Variants in AP3D1 observed in about 807,000 individuals in gnomAD.
AP3D1 encodes the protein adaptor related protein complex 3 subunit delta 1, also known as AP-3 complex subunit delta-1.
In AP3D1, 51 loss-of-function variants were observed where a neutral mutation model predicts 147.6. The ratio of observed to expected loss-of-function variants is 0.35; its 90% CI spans 0.28 to 0.44. The LOEUF is 0.44. Among genes scored for constraint, AP3D1 ranks in the 20% least tolerant of loss-of-function variants. The pLI is 1.00. For missense variants in AP3D1, 1,421 were observed against 1,624.2 expected (o/e 0.87, Z 2.15); for synonymous variants, 760 against 663.0 (o/e 1.15, Z -2.25).
At chr19:2,161,499 A>G (rs2019698540) in intron 1 of AP3D1, among the ~76,000 whole-genome samples, 1 of 152,034 alleles carries the variant, frequency 6.6e-6, no homozygotes. Context: ...TGCATTCCTT[A>G]GATAAAAGTT....
rs2018619989 is a variant in AP3D1 at position 2,121,803 on chromosome 19, G to A, written c.1032C>T (p.Leu344=). 6.2e-7 allele frequency: 1 copy of A among 1,613,414 alleles called. No individual in the cohort carries two copies. The highest frequency in any genetic ancestry group is 2.2e-5 in the East Asian group (1 of 44,838). The change falls in exon 12 of 32, where the codon CTC becomes CTT. Residue 344 remains leucine, a synonymous_variant. Transcript: ENST00000643116. ...HPKSVQSHKD[L]ILQCLDDKDE... ...CCTTGTCGTCCAGGCACTGCAGGAT[G>A]AGGTCCTTGTGGGACTGCACGGACT...
intron 4 of AP3D1, among the ~76,000 whole-genome samples, chr19:2,134,230 G>A (rs368232788): frequency 1.3e-5 from 2 of 152,088 alleles, no homozygotes; most frequent in African/African-American, 2.4e-5. Context: ...CCTAGGCAAC[G>A]CAGTGAAACC....
intron 23 of AP3D1, 166 bp downstream of exon 23, chr19:2,113,169 TG>T: frequency 1.6e-6 from 1 of 627,454 alleles, no homozygotes; most frequent in Non-Finnish European, 2.8e-6. Context: ...CTTGGCCCAC[TG>T]GGACCCGGGA....
intron 1 of AP3D1, among the ~76,000 whole-genome samples, chr19:2,156,709 C>G (rs1320623311): frequency 6.6e-6 from 1 of 152,018 alleles, no homozygotes; most frequent in Non-Finnish European, 1.5e-5. Flanking sequence ...ATTAGCCAGG[C>G]TTGGTGGCGG....
At chr19:2,108,552 G>A in intron 31 of AP3D1, 135 bp downstream of exon 31, 1 of 761,034 alleles carries the variant, frequency 1.3e-6, no homozygotes, top group Admixed American at 2.5e-5. Context: ...CAGGTGAGGG[G>A]CTCATGGCAG....
intron 14 of AP3D1, among the ~76,000 whole-genome samples, chr19:2,120,563 C>G (rs1236560585): frequency 6.6e-6 from 1 of 152,200 alleles, no homozygotes; most frequent in East Asian, 1.9e-4. Flanking sequence ...CCGTCTGCAG[C>G]CCACCCCATG....
chr19:2,129,703 G>A (rs1377512512), intron 6 of AP3D1, among the ~76,000 whole-genome samples: 1 of 152,216 alleles, frequency 6.6e-6, no homozygotes, highest in East Asian at 1.9e-4. Context: ...AGGAACAAGT[G>A]CGCACAAGCG....
chr19:2,154,550 T>C (rs2019629986), upstream of AP3D1, among the ~76,000 whole-genome samples: 1 of 152,206 alleles, frequency 6.6e-6, no homozygotes, highest in African/African-American at 2.4e-5. Flanking sequence ...GTGCTGGGAA[T>C]ACAGTCGTGA....
At chr19:2,147,069 G>A (rs2019375117) in intron 1 of AP3D1, among the ~76,000 whole-genome samples, 1 of 152,226 alleles carries the variant, frequency 6.6e-6, no homozygotes, top group African/African-American at 2.4e-5. Context: ...GTTCGGCTGG[G>A]CGTGGTGGCT....
At chr19:2,123,946 C>T (rs1025733041) in intron 9 of AP3D1, 67 bp from the exon 10 acceptor site, 2 of 1,513,426 alleles carry the variant, frequency 1.3e-6, no homozygotes, top group Non-Finnish European at 1.8e-6. Context: ...AACTCAGGGC[C>T]ACGGGGCACC....
chr19:2,131,563 A>T (rs1288959739), intron 5 of AP3D1, among the ~76,000 whole-genome samples: 3 of 134,300 alleles, frequency 2.2e-5, no homozygotes, highest in African/African-American at 6.3e-5. Context: ...CCACGCGGGG[A>T]CAGCGCCCAT....
rs576068587 is a variant in AP3D1, at chr19:2,118,584, G to A, written c.1713+17C>T. Reference sequence around the variant, plus strand: ...GGCTCCCTGAGGCTCGGCCCAACACGGAGTGTTGGATCTTACCCGCTCCTG... The same window carrying A: ...GGCTCCCTGAGGCTCGGCCCAACACAGAGTGTTGGATCTTACCCGCTCCTG... On this transcript the variant is annotated intron_variant, in intron 15 of 31. Transcript: ENST00000643116. 109 of 1,597,452 alleles carry A rather than the reference G, an allele frequency of 6.8e-5. No individual in the cohort carries two copies. The highest frequency in any genetic ancestry group is 1.5e-4 in the African/African-American group (11 of 74,890).
chr19:2,110,277 G>C, intron 27 of AP3D1, 53 bp from the exon 28 acceptor site: 1 of 1,491,724 alleles, frequency 6.7e-7, no homozygotes, highest in Non-Finnish European at 9.3e-7. Flanking sequence ...GCTCAGCATG[G>C]GTGGGGCCTC....
chr19:2,139,201 G>C (rs2019156683), intron 1 of AP3D1, among the ~76,000 whole-genome samples: 1 of 152,104 alleles, frequency 6.6e-6, no homozygotes, highest in South Asian at 2.1e-4. Flanking sequence ...GGCTGGGAGA[G>C]GAGACGGGAG....
chr19:2,114,783 G>A lies in AP3D1; in HGVS notation c.2388C>T (p.Asn796=), dbSNP rs752961745. Residue 796 remains asparagine, a synonymous_variant, in exon 21 of 32, where the codon AAC becomes AAT. Coordinates refer to ENST00000643116, the MANE Select transcript of AP3D1 (RefSeq NM_001261826.3). ...LPSDEDDKDP[N]DPYRALDIDL... ...CAATATCCAGAGCCCTGTAGGGGTC[G>A]TTGGGGTCTTTGTCATCCTCGTCGC... 17 of 1,614,064 alleles carry A rather than the reference G, an allele frequency of 1.1e-5. No homozygotes were observed. The highest frequency in any genetic ancestry group is 4.5e-5 in the East Asian group (2 of 44,872).
intron 11 of AP3D1, among the ~76,000 whole-genome samples, chr19:2,123,155 C>T (rs1431109084): frequency 6.6e-6 from 1 of 152,208 alleles, no homozygotes; most frequent in East Asian, 1.9e-4. Context: ...CTGGTGTTTC[C>T]CAGCCACCCC....
intron 31 of AP3D1, among the ~76,000 whole-genome samples, chr19:2,108,176 A>AAG (rs1568274094): frequency 6.6e-6 from 1 of 152,216 alleles, no homozygotes; most frequent in Non-Finnish European, 1.5e-5. Flanking sequence ...GACAAAACCA[A>AAG]AGAAGCCACC....
chr19:2,104,681 T>TG (rs35927839), intron 31 of AP3D1, among the ~76,000 whole-genome samples: 18,758 of 149,452 alleles, frequency 0.13, 1,360 homozygotes, highest in Non-Finnish European at 0.16. Flanking sequence ...TTTTTTTTTT[T>TG]TTTTTTTTGG....
intron 10 of AP3D1, 137 bp from the exon 11 acceptor site, chr19:2,123,543 A>C: frequency 1.1e-6 from 1 of 933,802 alleles, no homozygotes; most frequent in Non-Finnish European, 1.6e-6. Flanking sequence ...CCAGGAGGGA[A>C]ACAAGCATGG....
Sources: allele counts gnomAD v4.1 joint callset (sites outside exome capture counted in the v4.1 genomes callset), GRCh38; gene constraint gnomAD v4.1.1; transcripts MANE v1.5; gene names NCBI Gene and HGNC (gene_info 2026-07-23, HGNC 2026-07-21).